Variants in WRAP73 observed in about 807,000 individuals in gnomAD.
The protein encoded by WRAP73 is WD repeat-containing protein WRAP73.
In WRAP73, 55 loss-of-function variants were observed where a neutral mutation model predicts 59.6. The ratio of observed to expected loss-of-function variants is 0.92; its 90% CI spans 0.74 to 1.15. WRAP73 has a LOEUF of 1.15. Ranked by LOEUF, WRAP73 falls within the 50% of genes most tolerant of loss-of-function variation. WRAP73 has a pLI of 0.00. For missense variants in WRAP73, 592 were observed against 608.1 expected (o/e 0.97, Z 0.28); for synonymous variants, 265 against 258.2 (o/e 1.03, Z -0.25).
At chr1:3,638,678 T>A in intron 4 of WRAP73, 72 bp downstream of exon 4, 1 of 1,577,344 alleles carries the variant, frequency 6.3e-7, no homozygotes, top group Non-Finnish European at 8.7e-7. Flanking sequence ...TTCTGCCTCT[T>A]TGAAACTTCC....
chr1:3,632,887 G>C, intron 9 of WRAP73: 1 of 208,748 alleles, frequency 4.8e-6, no homozygotes, highest in Non-Finnish European at 9.8e-6. Flanking sequence ...GTCGGCACTT[G>C]GGGCACCGCT....
chr1:3,636,201 GC>G (rs1424207716), intron 5 of WRAP73, 171 bp from the exon 6 acceptor site: 1 of 623,666 alleles, frequency 1.6e-6, no homozygotes, highest in African/African-American at 1.8e-5. Flanking sequence ...TGCTGCTGGG[GC>G]TGCACCGCCA....
At chr1:3,640,891 C>T (rs1318119577) in intron 3 of WRAP73, among the ~76,000 whole-genome samples, 1 of 152,226 alleles carries the variant, frequency 6.6e-6, no homozygotes, top group Non-Finnish European at 1.5e-5. Context: ...ACCTGTGGCC[C>T]TGCATCCCTG....
rs1002851714 is a variant in WRAP73 at position 3,646,330 on chromosome 1, T to C, written c.339+336A>G. 6.6e-6 allele frequency among the ~76,000 whole-genome samples: 1 copy of C among 152,252 alleles called. No individual in the cohort carries two copies. Among genetic ancestry groups the C allele is most frequent in the Non-Finnish European group, 1.5e-5 (1 of 68,054 alleles). ...AACAAGGAAAGAAAAAATCCTATGC[T>C]GAGGTTGTTGCTCAGATCTTCAGTA... On this transcript the variant is annotated intron_variant, in intron 3 of 11. Coordinates refer to ENST00000270708, the MANE Select transcript of WRAP73 (RefSeq NM_017818.4). This position sits in a 1 kb window ranked among gnomAD's most constrained non-coding sequence, Gnocchi z 5.1.
chr1:3,638,057 A>G (rs545523575), intron 4 of WRAP73, among the ~76,000 whole-genome samples: 1 of 152,362 alleles, frequency 6.6e-6, no homozygotes, highest in Admixed American at 6.5e-5. Context: ...TAAGAGTGTG[A>G]CTGCATTGCA....
intron 3 of WRAP73, among the ~76,000 whole-genome samples, chr1:3,640,317 C>T (rs1163922811): frequency 6.6e-6 from 1 of 152,260 alleles, no homozygotes; most frequent in Non-Finnish European, 1.5e-5. Context: ...TTCCCACCAG[C>T]GTGTCTGAGG....
intron 8 of WRAP73, chr1:3,634,551 A>T: frequency 5.2e-6 from 1 of 191,198 alleles, no homozygotes; most frequent in Middle Eastern, 2.3e-3. Context: ...CCCCGTGGAG[A>T]CACCCAGCTC....
At chr1:3,640,377 T>G (rs1363068039) in intron 3 of WRAP73, among the ~76,000 whole-genome samples, 1 of 149,216 alleles carries the variant, frequency 6.7e-6, no homozygotes, top group African/African-American at 2.5e-5. Context: ...GTGCAGCGCC[T>G]GAGGCTCTGA....
rs551308058 is a variant in WRAP73 at position 3,632,123 on chromosome 1, C to T, written c.1048+90G>A. The T allele has an allele frequency of 4.3e-5, 66 of 1,520,742 alleles. No homozygotes were observed. The African/African-American group carries it at 8.9e-4, about 20-fold the overall frequency. The allele number at this position is 1,520,742 out of a possible 1,614,324, so 94.2% of individuals were successfully genotyped here. The stretch of plus-strand genomic sequence containing the variant: ...AAAGGAGGTGACGTGTCGGAAACCC[C>T]CAACTTCATTTTCTTTTCCAGTCGC... On this transcript the variant is annotated intron_variant, in intron 10 of 11. Coordinates refer to ENST00000270708, the MANE Select transcript of WRAP73 (RefSeq NM_017818.4).
At chr1:3,631,227 G>A (rs74048688) in intron 11 of WRAP73, 110 bp from the exon 12 acceptor site, 10 of 1,526,542 alleles carry the variant, frequency 6.6e-6, no homozygotes, top group Non-Finnish European at 8.0e-6. Flanking sequence ...GACCCACATA[G>A]GCAGAGCCAG....
At chr1:3,631,779 G>A (rs1644537180) in intron 10 of WRAP73, 122 bp from the exon 11 acceptor site, 3 of 1,450,850 alleles carry the variant, frequency 2.1e-6, no homozygotes, top group South Asian at 2.8e-5. Flanking sequence ...GGGTGGGGCG[G>A]CTGCACCCTG....
At chr1:3,632,131 A>T (rs1644541436) in intron 10 of WRAP73, 82 bp downstream of exon 10, 2 of 1,523,384 alleles carry the variant, frequency 1.3e-6, no homozygotes, top group Non-Finnish European at 1.8e-6. Flanking sequence ...CCCCAACTTC[A>T]TTTTCTTTTC....
rs767982638 is a variant in WRAP73 at position 3,646,831 on chromosome 1, G to A, written c.223-49C>T. On this transcript the variant is annotated intron_variant, in intron 2 of 11. Coordinates refer to ENST00000270708, the MANE Select transcript of WRAP73 (RefSeq NM_017818.4). The surrounding 1 kb of genome is among the most constrained non-coding windows in gnomAD (Gnocchi z 5.1). The stretch of plus-strand genomic sequence containing the variant: ...ACACAAGTGCAAACTCATCAGCACC[G>A]AGAGACAGCGAGGACAGCTCGCTTA... 30 of 1,515,650 alleles carry A rather than the reference G, an allele frequency of 2.0e-5. No homozygotes were observed. Among genetic ancestry groups the A allele is most frequent in the Admixed American group, 7.4e-5 (4 of 54,290 alleles). 93.9% of individuals were successfully genotyped at this position (1,515,650 alleles called of 1,614,324 possible).
chr1:3,647,016 T>C (rs1451399836), intron 2 of WRAP73, among the ~76,000 whole-genome samples: 1 of 152,172 alleles, frequency 6.6e-6, no homozygotes, highest in Non-Finnish European at 1.5e-5. Context: ...TGGATTCCAG[T>C]GTAAAAGTAA....
At chr1:3,643,356 G>A (rs540495324) in intron 3 of WRAP73, among the ~76,000 whole-genome samples, 2 of 152,384 alleles carry the variant, frequency 1.3e-5, no homozygotes, top group East Asian at 3.9e-4. Context: ...GGTGGGGAGG[G>A]CATTGCTACG....
rs1479436241 is a variant in WRAP73, at chr1:3,635,267, C to T, written c.631G>A (p.Gly211Ser). The T allele has an allele frequency of 1.2e-6, 2 of 1,613,970 alleles. No homozygotes were observed. Reference sequence around the variant, plus strand: ...GCGCTGTACGTGGACAACAACCGGCCATCCAATGAGTACAGCAGAATCTTG... The same window carrying T: ...GCGCTGTACGTGGACAACAACCGGCTATCCAATGAGTACAGCAGAATCTTG... ...EYKILLYSLD[G>S]RLLSTYSAYE... The change falls in exon 7 of 12, where the codon GGC becomes AGC. Residue 211 changes from glycine to serine, a missense_variant. By Grantham distance (56) the Gly-to-Ser change is moderately conservative. Coordinates refer to ENST00000270708, the MANE Select transcript of WRAP73 (RefSeq NM_017818.4).
Position 3,647,423 on chromosome 1 carries a change from C to T in WRAP73, c.207G>A (p.Lys69=), listed in dbSNP as rs1409935123. The T allele has an allele frequency of 1.9e-6, 3 of 1,613,574 alleles. No homozygotes were observed. The highest frequency in any genetic ancestry group is 2.5e-6 in the Non-Finnish European group (3 of 1,179,890). Reference sequence around the variant, plus strand: ...CAGCACACACCTGCACCAGCCCTCGCTTGTACATGGCGCACAGGATGAAGA... The same window carrying T: ...CAGCACACACCTGCACCAGCCCTCGTTTGTACATGGCGCACAGGATGAAGA... ...DSLFILCAMY[K]RGLVQVWSLE... The change falls in exon 2 of 12, where the codon AAG becomes AAA. Residue 69 remains lysine (K), a synonymous_variant. Transcript: ENST00000270708.
At chr1:3,632,017 G>T (rs150067452) in intron 10 of WRAP73, 196 bp downstream of exon 10, 2 of 1,466,834 alleles carry the variant, frequency 1.4e-6, no homozygotes, top group Non-Finnish European at 1.8e-6. Flanking sequence ...TGACTCATGC[G>T]CGGACCTGCG....
chr1:3,632,712 G>A (rs115954327), intron 9 of WRAP73: 3,716 of 337,018 alleles, frequency 0.011, 133 homozygotes, highest in African/African-American at 0.072. Flanking sequence ...CCACCTCAGC[G>A]TCAGTACCCT....
Sources: gnomAD v4.1 joint callset for allele counts (sites outside exome capture counted in the v4.1 genomes callset) on GRCh38, gnomAD v4.1.1 for gene constraint, Gnocchi (gnomAD v3.1) non-coding constraint, MANE v1.5 for transcripts, NCBI Gene and HGNC (gene_info 2026-07-23, HGNC 2026-07-21) for gene names.